CAST: variants seen among roughly 807,000 people sequenced by gnomAD.
CAST encodes MIR583 host.
Under a neutral mutation model 119.6 loss-of-function variants are expected in CAST, and 76 were observed. The observed-to-expected ratio is 0.64, with a 90% CI of 0.53 to 0.77. The LOEUF (loss-of-function observed/expected upper bound fraction) is 0.77, where lower values mean the gene tolerates loss of function less well. Among genes scored for constraint, CAST ranks in the 30% least tolerant of loss-of-function variants. CAST has a pLI of 0.00. For missense variants in CAST, 953 were observed against 946.5 expected, an observed-to-expected ratio of 1.01 and a Z score of -0.09; for synonymous variants, 319 against 331.6, an observed-to-expected ratio of 0.96 and a Z score of 0.41.
chr5:96,497,546 T>C, the CAST span, among the ~76,000 whole-genome samples: 132,983 of 150,826 alleles, frequency 0.88, 59,336 homozygotes, highest in Middle Eastern at 0.98. Context: ...TTTTAATGAT[T>C]GCCATTCTAA....
chr5:96,364,995 G>A, the CAST span, among the ~76,000 whole-genome samples: 1 of 129,232 alleles, frequency 7.7e-6, no homozygotes, highest in African/African-American at 2.9e-5. Flanking sequence ...ACTGCTTTAA[G>A]TGTGTCCCAG....
At chr5:96,455,672 T>C in the CAST span, among the ~76,000 whole-genome samples, 9 of 152,214 alleles carry the variant, frequency 5.9e-5, no homozygotes, top group African/African-American at 2.2e-4. Flanking sequence ...GTCCTGCCGT[T>C]CCCTCAGCTC....
At chr5:96,718,888 G>A (rs777051422) in intron 3 of CAST, among the ~76,000 whole-genome samples, 9 of 152,108 alleles carry the variant, frequency 5.9e-5, no homozygotes, top group African/African-American at 1.4e-4. Flanking sequence ...GAATTCTGAC[G>A]CATCCGATGC....
the CAST span, among the ~76,000 whole-genome samples, chr5:96,120,350 G>T: frequency 6.6e-6 from 1 of 152,090 alleles, no homozygotes; most frequent in African/African-American, 2.4e-5. Flanking sequence ...GTGCAAAGCC[G>T]GAAGCAACAG....
At chr5:96,178,000 A>T in the CAST span, among the ~76,000 whole-genome samples, 2 of 152,240 alleles carry the variant, frequency 1.3e-5, no homozygotes, top group South Asian at 2.1e-4. Flanking sequence ...TGCTCTAAAA[A>T]TGAATTCATA....
At chr5:96,171,688 C>G in the CAST span, among the ~76,000 whole-genome samples, 2 of 152,052 alleles carry the variant, frequency 1.3e-5, no homozygotes. Flanking sequence ...AATGAAGGAA[C>G]TGAAATTAAG....
intron 16 of CAST, among the ~76,000 whole-genome samples, chr5:96,743,369 C>G (rs1019253849): frequency 6.6e-6 from 1 of 152,194 alleles, no homozygotes; most frequent in Non-Finnish European, 1.5e-5. Context: ...TTTTTCAACT[C>G]AGTCCTCTGG....
chr5:96,587,033 C>T (rs1280395973), intron 1 of CAST, among the ~76,000 whole-genome samples: 2 of 152,168 alleles, frequency 1.3e-5, no homozygotes, highest in African/African-American at 4.8e-5. Flanking sequence ...AGTTTAAAGC[C>T]TCTGCTCTTT....
intron 1 of CAST, chr5:96,663,268 G>C (rs1319569483): frequency 1.4e-6 from 1 of 700,462 alleles, no homozygotes; most frequent in Non-Finnish European, 2.6e-6. Context: ...AGCGTTGTCC[G>C]GGGTTTGGCG....
chr5:96,539,571 A>T (rs891703818), intron 1 of CAST, among the ~76,000 whole-genome samples: 1 of 152,128 alleles, frequency 6.6e-6, no homozygotes, highest in Non-Finnish European at 1.5e-5. Context: ...GTTTTGACAA[A>T]CATGTCATGT....
chr5:95,962,075 A>C, the CAST span: 5 of 390,464 alleles, frequency 1.3e-5, no homozygotes, highest in Non-Finnish European at 1.4e-5. Context: ...CAACTTAATC[A>C]TGTCTGACGT....
chr5:96,604,305 A>G (rs533474041), intron 1 of CAST, among the ~76,000 whole-genome samples: 268 of 152,312 alleles, frequency 1.8e-3, no homozygotes, highest in Middle Eastern at 6.8e-3. Flanking sequence ...CTTGATTCTC[A>G]ATAAAGCTGA....
At chr5:96,373,024 G>A in the CAST span, among the ~76,000 whole-genome samples, 1 of 150,766 alleles carries the variant, frequency 6.6e-6, no homozygotes, top group African/African-American at 2.4e-5. Flanking sequence ...ATTTTTTTTT[G>A]CTTTCTTTCT....
chr5:96,019,032 C>A, the CAST span, among the ~76,000 whole-genome samples: 1 of 152,134 alleles, frequency 6.6e-6, no homozygotes, highest in African/African-American at 2.4e-5. Flanking sequence ...AGAGTTCAAT[C>A]TGGAAGATAT....
At chr5:96,322,256 G>T in the CAST span, among the ~76,000 whole-genome samples, 1 of 152,154 alleles carries the variant, frequency 6.6e-6, no homozygotes, top group African/African-American at 2.4e-5. Flanking sequence ...ATTTTGGGAG[G>T]CTGCTTGGTT....
At chr5:96,095,652 C>G in the CAST span, among the ~76,000 whole-genome samples, 1 of 148,620 alleles carries the variant, frequency 6.7e-6, no homozygotes, top group Non-Finnish European at 1.5e-5. Flanking sequence ...CAACAATACT[C>G]CTCATTTTAA....
At chr5:96,386,414 AATGTGG>A in the CAST span, among the ~76,000 whole-genome samples, 1 of 152,242 alleles carries the variant, frequency 6.6e-6, no homozygotes, top group Non-Finnish European at 1.5e-5. Context: ...ACCCATTTCC[AATGTGG>A]CATTAGGAAA....
At chr5:96,738,853 T>G (rs939461432) in intron 11 of CAST, among the ~76,000 whole-genome samples, 1 of 150,808 alleles carries the variant, frequency 6.6e-6, no homozygotes, top group Non-Finnish European at 1.5e-5. Context: ...GAGAACTGCT[T>G]GAACCCGGGA....
chr5:96,348,398 G>C, the CAST span, among the ~76,000 whole-genome samples: 1 of 151,934 alleles, frequency 6.6e-6, no homozygotes, highest in East Asian at 1.9e-4. Context: ...GAGAGAGAGA[G>C]AGAGAGGGAG....
Sources: allele counts gnomAD v4.1 joint callset (sites outside exome capture counted in the v4.1 genomes callset), GRCh38; gene constraint gnomAD v4.1.1; transcripts MANE v1.5; gene names NCBI Gene and HGNC (gene_info 2026-07-23, HGNC 2026-07-21).